The following ZFAND3 variants were observed in gnomAD, a reference collection of about 807,000 sequenced individuals.
ZFAND3 encodes the protein AN1-type zinc finger protein 3.
A neutral mutation model predicts 29.6 loss-of-function variants in ZFAND3; 10 were observed. The ratio of observed to expected loss-of-function variants is 0.34; its 90% CI spans 0.21 to 0.57. The LOEUF is 0.57. Ranked by LOEUF, ZFAND3 falls within the 20% of genes least tolerant of loss-of-function variation. The pLI, the probability that ZFAND3 is intolerant of heterozygous loss-of-function variation, is 0.86. For synonymous variants in ZFAND3, 128 were observed against 112.6 expected (o/e 1.14, Z -0.87); for missense variants, 230 against 304.5 (o/e 0.76, Z 1.82).
intron 4 of ZFAND3, among the ~76,000 whole-genome samples, chr6:38,099,838 T>TA (rs1476003153): frequency 6.6e-6 from 1 of 152,242 alleles, no homozygotes; most frequent in Non-Finnish European, 1.5e-5. Context: ...TCTTCAAAGA[T>TA]AGTGTTATTA....
intron 2 of ZFAND3, among the ~76,000 whole-genome samples, chr6:38,055,347 G>A (rs1246716421): frequency 6.6e-6 from 1 of 152,210 alleles, no homozygotes; most frequent in African/African-American, 2.4e-5. Context: ...AGTGTACCCT[G>A]TGCAGGCTGT....
intron 3 of ZFAND3, among the ~76,000 whole-genome samples, chr6:38,081,308 A>G (rs1406824363): frequency 6.6e-6 from 1 of 152,036 alleles, no homozygotes; most frequent in Non-Finnish European, 1.5e-5. Flanking sequence ...TACACTCACT[A>G]AGGGTTGTTG....
chr6:37,903,331 A>G (rs943096351), intron 1 of ZFAND3, among the ~76,000 whole-genome samples: 2 of 152,216 alleles, frequency 1.3e-5, no homozygotes, highest in African/African-American at 2.4e-5. Flanking sequence ...TATTCTGGCA[A>G]GCTTTCAGAC....
At chr6:37,994,430 AG>A (rs1762813977) in intron 2 of ZFAND3, among the ~76,000 whole-genome samples, 1 of 151,950 alleles carries the variant, frequency 6.6e-6, no homozygotes, top group South Asian at 2.1e-4. Flanking sequence ...TTTGATAGAG[AG>A]AGACTGCTTA....
At chr6:38,110,862 A>G (rs1765302041) in intron 4 of ZFAND3, among the ~76,000 whole-genome samples, 1 of 152,220 alleles carries the variant, frequency 6.6e-6, no homozygotes, top group Non-Finnish European at 1.5e-5. Context: ...CTGAGATGTC[A>G]GGAAGCCACA....
At chr6:38,048,419 A>C (rs544906086) in intron 2 of ZFAND3, among the ~76,000 whole-genome samples, 3 of 151,706 alleles carry the variant, frequency 2.0e-5, no homozygotes, top group Admixed American at 6.6e-5. Context: ...CAGGAGATCG[A>C]GACCATCCTG....
chr6:38,044,448 C>T (rs1170667429), intron 2 of ZFAND3, among the ~76,000 whole-genome samples: 1 of 151,980 alleles, frequency 6.6e-6, no homozygotes, highest in Non-Finnish European at 1.5e-5. Flanking sequence ...GGTCCTTTGG[C>T]CATCTTGCAG....
chr6:37,926,241 A>G (rs1761481839), intron 1 of ZFAND3, among the ~76,000 whole-genome samples: 1 of 152,246 alleles, frequency 6.6e-6, no homozygotes, highest in Non-Finnish European at 1.5e-5. Context: ...TTCTGAGGCT[A>G]TTGTAACAAA....
At chr6:37,938,423 T>C (rs2127416044) in intron 2 of ZFAND3, among the ~76,000 whole-genome samples, 1 of 152,334 alleles carries the variant, frequency 6.6e-6, no homozygotes, top group South Asian at 2.1e-4. Context: ...CCCTAATTTA[T>C]TTATCTAGTC....
intron 2 of ZFAND3, among the ~76,000 whole-genome samples, chr6:37,934,547 A>G (rs1399694576): frequency 1.3e-5 from 2 of 150,942 alleles, no homozygotes; most frequent in Non-Finnish European, 3.0e-5. Context: ...AAAAAAAAAA[A>G]AAGTCCAGAC....
chr6:37,978,485 T>G (rs1049995650), intron 2 of ZFAND3, among the ~76,000 whole-genome samples: 4 of 152,172 alleles, frequency 2.6e-5, no homozygotes, highest in African/African-American at 9.7e-5. Context: ...TAATTTTCTG[T>G]TAGGGGTTTG....
intron 2 of ZFAND3, among the ~76,000 whole-genome samples, chr6:37,944,989 AGGT>A (rs1393823526): frequency 1.3e-5 from 2 of 152,204 alleles, no homozygotes; most frequent in Non-Finnish European, 2.9e-5. Flanking sequence ...TTCTGGAAAA[AGGT>A]GAAAATTTCT....
chr6:38,052,627 A>C (rs1764048153), intron 2 of ZFAND3, among the ~76,000 whole-genome samples: 1 of 152,192 alleles, frequency 6.6e-6, no homozygotes, highest in Admixed American at 6.5e-5. Context: ...TTCTATGGGT[A>C]ATCTTAAGGA....
At chr6:37,912,177 C>T (rs967020048) in intron 1 of ZFAND3, among the ~76,000 whole-genome samples, 3 of 151,994 alleles carry the variant, frequency 2.0e-5, no homozygotes, top group African/African-American at 7.3e-5. Context: ...ACCTGTGGCT[C>T]ATCACCAGTC....
chr6:38,144,967 C>T (rs1766073315), intron 5 of ZFAND3, among the ~76,000 whole-genome samples: 1 of 152,178 alleles, frequency 6.6e-6, no homozygotes, highest in Non-Finnish European at 1.5e-5. Flanking sequence ...TTCAGCATCA[C>T]CTTCTTTGTC....
At chr6:38,005,588 T>C (rs1763034640) in intron 2 of ZFAND3, among the ~76,000 whole-genome samples, 1 of 152,204 alleles carries the variant, frequency 6.6e-6, no homozygotes, top group Non-Finnish European at 1.5e-5. Context: ...GGGCAAGTCA[T>C]TTGAGCTACC....
At chr6:38,087,861 A>G (rs1764787905) in intron 4 of ZFAND3, among the ~76,000 whole-genome samples, 1 of 152,206 alleles carries the variant, frequency 6.6e-6, no homozygotes, top group Non-Finnish European at 1.5e-5. Context: ...AAATAAGTAT[A>G]CTGAAGTGGT....
intron 1 of ZFAND3, among the ~76,000 whole-genome samples, chr6:37,922,428 A>C (rs1761400266): frequency 6.6e-6 from 1 of 152,266 alleles, no homozygotes; most frequent in Non-Finnish European, 1.5e-5. Context: ...ATAAATATTA[A>C]ATGTAAATGT....
chr6:37,978,956 C>CTT (rs774309845), intron 2 of ZFAND3, among the ~76,000 whole-genome samples: 6 of 144,020 alleles, frequency 4.2e-5, no homozygotes, highest in African/African-American at 1.3e-4. Context: ...TAATTTGTGT[C>CTT]TTTTTTTTTT....
Sources: gnomAD v4.1 joint callset for allele counts (sites outside exome capture counted in the v4.1 genomes callset) on GRCh38, gnomAD v4.1.1 for gene constraint, MANE v1.5 for transcripts, NCBI Gene and HGNC (gene_info 2026-07-23, HGNC 2026-07-21) for gene names.